Variants in CCDC25 observed in about 807,000 individuals in gnomAD.
CCDC25 encodes coiled-coil domain-containing protein 25.
Under a neutral mutation model 35.3 loss-of-function variants are expected in CCDC25, and 16 were observed. The ratio of observed to expected loss-of-function variants is 0.45; its 90% CI spans 0.31 to 0.69. The LOEUF (loss-of-function observed/expected upper bound fraction) is 0.69. Ranked by LOEUF, CCDC25 falls within the 30% of genes least tolerant of loss-of-function variation. The pLI, the probability that CCDC25 is intolerant of heterozygous loss-of-function variation, is 0.06. For synonymous variants in CCDC25, 79 were observed against 80.3 expected (o/e 0.98, Z 0.09); for missense variants, 179 against 250.7 (o/e 0.71, Z 1.93).
chr8:27,762,579 G>A, intron 2 of CCDC25, 121 bp from the exon 3 acceptor site: 1 of 717,572 alleles, frequency 1.4e-6, no homozygotes, highest in South Asian at 1.8e-5. Context: ...CAATGAAGAA[G>A]AGTAATTCGG....
chr8:27,739,375 T>A (rs147341812), intron 8 of CCDC25, among the ~76,000 whole-genome samples: 331 of 152,318 alleles, frequency 2.2e-3, no homozygotes, highest in Middle Eastern at 0.017. Context: ...CTATTACTTC[T>A]AATTCATGCA....
chr8:27,762,496 G>A (rs769098871), intron 2 of CCDC25, 38 bp from the exon 3 acceptor site: 2 of 1,591,364 alleles, frequency 1.3e-6, no homozygotes, highest in Non-Finnish European at 1.7e-6. Context: ...AACAAAAACT[G>A]TCAAATGAAG....
intron 3 of CCDC25, among the ~76,000 whole-genome samples, chr8:27,760,997 TG>T (rs1348282348): frequency 6.6e-6 from 1 of 151,806 alleles, no homozygotes; most frequent in African/African-American, 2.4e-5. Context: ...GGCATGATGA[TG>T]GGTGCCTGTA....
At chr8:27,768,564 C>CAAAAAA (rs368194540) in intron 1 of CCDC25, among the ~76,000 whole-genome samples, 2 of 106,564 alleles carry the variant, frequency 1.9e-5, no homozygotes, top group African/African-American at 3.6e-5. Context: ...GACTCCATCT[C>CAAAAAA]AAAAAAAAAA....
intron 1 of CCDC25, among the ~76,000 whole-genome samples, chr8:27,768,323 G>T (rs62498025): frequency 0.049 from 7,528 of 152,130 alleles, 303 homozygotes; most frequent in East Asian, 0.18. Flanking sequence ...CCAACACTTT[G>T]GGAGGCTGAA....
At position 27,772,620 on chromosome 8, in the gene CCDC25, G is replaced by C; in HGVS notation, c.-80C>G. The C allele has an allele frequency of 7.0e-6, 10 of 1,429,240 alleles. No individual in the cohort carries two copies. The highest frequency in any genetic ancestry group is 9.6e-6 in the Non-Finnish European group (10 of 1,042,786). 88.5% of individuals were successfully genotyped at this position (1,429,240 alleles called of 1,614,324 possible). On this transcript the variant is annotated 5_prime_UTR_variant, in exon 1 of 9. Transcript: ENST00000356537. ...AAGCTCAGGATACCAGACTCGCGGC[G>C]GCCGCCTGGCCCCCGGAACTCCTCC...
At position 27,733,516 on chromosome 8, in the gene CCDC25, C is replaced by G. The variant is rs537042427; in HGVS notation, c.*2700G>C. On this transcript the variant is annotated 3_prime_UTR_variant, in exon 9 of 9. Coordinates refer to ENST00000356537, the MANE Select transcript of CCDC25 (RefSeq NM_018246.3). ...GGATGTGAGCTTGCTCTGGCAGCAG[C>G]AGTGCTGTCCTTGTTTCTGAGCTGC... 6.6e-6 allele frequency: 1 copy of G among 152,194 alleles called. No homozygotes were observed. Among genetic ancestry groups the G allele is most frequent in the Non-Finnish European group, 1.5e-5 (1 of 68,036 alleles). The allele number at this position is 152,194 out of a possible 1,614,324, so 9.4% of individuals were successfully genotyped here.
chr8:27,738,945 G>GTATAAAAA (rs75122384), intron 8 of CCDC25, among the ~76,000 whole-genome samples: 65,586 of 151,558 alleles, frequency 0.43, 14,392 homozygotes, highest in East Asian at 0.63. Flanking sequence ...TCTGGATAAG[G>GTATAAAAA]TATGACTATT....
intron 4 of CCDC25, 63 bp from the exon 5 acceptor site, chr8:27,752,650 A>T: frequency 7.8e-7 from 1 of 1,287,692 alleles, no homozygotes; most frequent in Non-Finnish European, 1.1e-6. Flanking sequence ...TGGAGCACTC[A>T]AAGGGCATTT....
Position 27,772,619 on chromosome 8 carries a change from C to T in CCDC25, c.-79G>A. ...GAAGCTCAGGATACCAGACTCGCGG[C>T]GGCCGCCTGGCCCCCGGAACTCCTC... On this transcript the variant is annotated 5_prime_UTR_variant, in exon 1 of 9. Coordinates refer to ENST00000356537, the MANE Select transcript of CCDC25 (RefSeq NM_018246.3). 5 of 1,447,950 alleles carry T rather than the reference C, an allele frequency of 3.5e-6. No individual in the cohort carries two copies. Among genetic ancestry groups the T allele is most frequent in the East Asian group, 2.5e-5 (1 of 39,802 alleles). The allele number at this position is 1,447,950 out of a possible 1,614,324, so 89.7% of individuals were successfully genotyped here.
chr8:27,755,630 C>T (rs1458450476), intron 4 of CCDC25, among the ~76,000 whole-genome samples: 3 of 152,114 alleles, frequency 2.0e-5, no homozygotes, highest in African/African-American at 7.2e-5. Context: ...GAGCAACCTC[C>T]AAACACTACA....
Position 27,737,875 on chromosome 8 carries a change from T to TACACACACACACACAC in CCDC25, c.598-1631_598-1630insGTGTGTGTGTGTGTGT, listed in dbSNP as rs200945575. Among the ~76,000 whole-genome samples, 20 of 136,190 alleles carry TACACACACACACACAC rather than the reference T, an allele frequency of 1.5e-4. 1 individual carries two copies. Among genetic ancestry groups the TACACACACACACACAC allele is most frequent in the African/African-American group, 3.7e-4 (14 of 37,642 alleles). 89.3% of individuals were successfully genotyped at this position (136,190 alleles called of 152,430 possible). A position where few individuals can be genotyped will look rare whatever the true frequency, so the allele number is the denominator to read the frequency against. On this transcript the variant is annotated intron_variant, in intron 8 of 8. Coordinates refer to ENST00000356537, the MANE Select transcript of CCDC25 (RefSeq NM_018246.3). The surrounding 1 kb of genome is among the most constrained non-coding windows in gnomAD (Gnocchi z 4.6). ...GGATAAAGAAACTGTGGTGTGTGTA[T>TACACACACACACACAC]ACACACACTCACACACACACACACA...
At chr8:27,760,937 C>T (rs1410393227) in intron 3 of CCDC25, among the ~76,000 whole-genome samples, 1 of 152,058 alleles carries the variant, frequency 6.6e-6, no homozygotes, top group Admixed American at 6.6e-5. Context: ...ACCAGCCTGG[C>T]CAATGTGGTG....
chr8:27,744,259 T>C (rs1328051260), intron 7 of CCDC25, among the ~76,000 whole-genome samples: 1 of 152,100 alleles, frequency 6.6e-6, no homozygotes, highest in South Asian at 2.1e-4. Context: ...ACTTTAAAAT[T>C]GAAACAAAAA....
intron 1 of CCDC25, among the ~76,000 whole-genome samples, chr8:27,767,688 T>C (rs888656151): frequency 3.9e-5 from 6 of 152,238 alleles, no homozygotes; most frequent in South Asian, 2.1e-4. Context: ...GGGTACGGAA[T>C]AAAGCCTGTT....
At position 27,772,640 on chromosome 8, in the gene CCDC25, T is replaced by C. The variant is rs1052458280; in HGVS notation, c.-100A>G. On this transcript the variant is annotated 5_prime_UTR_variant, in exon 1 of 9. Coordinates refer to ENST00000356537, the MANE Select transcript of CCDC25 (RefSeq NM_018246.3). ...GCGGCGGCCGCCTGGCCCCCGGAAC[T>C]CCTCCGTGCACTTCCGGCGGACGTC... 3.4e-6 allele frequency: 4 copies of C among 1,177,302 alleles called. No homozygotes were observed. In the Admixed American group the frequency reaches 7.2e-5, roughly 21 times the overall value. The allele number at this position is 1,177,302 out of a possible 1,614,324, so 72.9% of individuals were successfully genotyped here.
intron 3 of CCDC25, among the ~76,000 whole-genome samples, chr8:27,760,550 T>C (rs1804190501): frequency 6.6e-6 from 1 of 152,102 alleles, no homozygotes; most frequent in South Asian, 2.1e-4. Flanking sequence ...GGGAGTCAAT[T>C]AGGAAATCAA....
intron 5 of CCDC25, among the ~76,000 whole-genome samples, chr8:27,749,007 G>A (rs141782895): frequency 3.3e-5 from 5 of 152,240 alleles, no homozygotes; most frequent in Admixed American, 6.5e-5. Context: ...GACTCTATCC[G>A]GGACTACCAC....
intron 3 of CCDC25, among the ~76,000 whole-genome samples, chr8:27,759,534 G>A (rs1472016166): frequency 6.6e-6 from 1 of 150,604 alleles, no homozygotes; most frequent in Non-Finnish European, 1.5e-5. Context: ...ACTTGAACCC[G>A]GGAGGTGGAG....
Sources: gnomAD v4.1 joint callset for allele counts (sites outside exome capture counted in the v4.1 genomes callset) on GRCh38, gnomAD v4.1.1 for gene constraint, Gnocchi (gnomAD v3.1) non-coding constraint, MANE v1.5 for transcripts, NCBI Gene and HGNC (gene_info 2026-07-23, HGNC 2026-07-21) for gene names.